PLEKHA8: variants seen among roughly 807,000 people sequenced by gnomAD.
The protein encoded by PLEKHA8 is pleckstrin homology domain containing A8, also known as pleckstrin homology domain-containing family A member 8.
In PLEKHA8, 36 loss-of-function variants were observed where a neutral mutation model predicts 68.2. That is an observed-to-expected ratio of 0.53 (90% CI 0.40 to 0.70). The LOEUF is 0.70. PLEKHA8 is among the 30% of genes least tolerant of loss of function. PLEKHA8 has a pLI of 0.00. For synonymous variants in PLEKHA8, 211 were observed against 216.1 expected (o/e 0.98, Z 0.20); for missense variants, 505 against 615.4 (o/e 0.82, Z 1.90).
intron 13 of PLEKHA8, among the ~76,000 whole-genome samples, chr7:30,099,144 C>G (rs1366363425): frequency 6.6e-6 from 1 of 152,164 alleles, no homozygotes; most frequent in Non-Finnish European, 1.5e-5. Context: ...TATTTAATCA[C>G]ACATCCAAAC....
intron 12 of PLEKHA8, among the ~76,000 whole-genome samples, chr7:30,071,385 A>G (rs551359987): frequency 1.3e-5 from 2 of 152,250 alleles, no homozygotes; most frequent in African/African-American, 4.8e-5. Context: ...TGTCTGCCGC[A>G]CCATCTACCA....
Position 30,083,711 on chromosome 7 carries a change from G to C in PLEKHA8, c.*4924G>C. 1.0e-6 allele frequency: 1 copy of C among 985,324 alleles called. No homozygotes were observed. The allele number at this position is 985,324 out of a possible 1,614,324, so 61.0% of individuals were successfully genotyped here. A position where few individuals can be genotyped will look rare whatever the true frequency, so the allele number is the denominator to read the frequency against. On this transcript the variant is annotated 3_prime_UTR_variant, in exon 14 of 14. Transcript: ENST00000449726. Reference sequence around the variant, plus strand: ...TTTGTTTCCTGTATTAATCACTTCTGTTCCAGAGTGAACAAATGTTTTCAG... The same window carrying C: ...TTTGTTTCCTGTATTAATCACTTCTCTTCCAGAGTGAACAAATGTTTTCAG...
intron 13 of PLEKHA8, among the ~76,000 whole-genome samples, chr7:30,123,215 A>G (rs1031177341): frequency 5.9e-5 from 9 of 152,358 alleles, no homozygotes; most frequent in African/African-American, 2.2e-4. Context: ...CTAATCCAAC[A>G]TATTTATTTT....
chr7:30,074,639 C>G (rs908164681), intron 13 of PLEKHA8, among the ~76,000 whole-genome samples: 2 of 152,056 alleles, frequency 1.3e-5, no homozygotes, highest in African/African-American at 2.4e-5. Context: ...CTCTGCTGCC[C>G]ATTGTATTCA....
chr7:30,059,801 A>G (rs1793293111), intron 9 of PLEKHA8, among the ~76,000 whole-genome samples: 1 of 151,878 alleles, frequency 6.6e-6, no homozygotes, highest in Non-Finnish European at 1.5e-5. Flanking sequence ...TAAGTTTTCT[A>G]GTAGGCATAT....
At chr7:30,107,086 T>C (rs1015130277) in intron 13 of PLEKHA8, among the ~76,000 whole-genome samples, 6 of 152,198 alleles carry the variant, frequency 3.9e-5, no homozygotes, top group African/African-American at 1.4e-4. Context: ...AGAATATTTA[T>C]TGAAATTATA....
At chr7:30,096,836 A>G (rs1795640571) in intron 13 of PLEKHA8, among the ~76,000 whole-genome samples, 1 of 152,168 alleles carries the variant, frequency 6.6e-6, no homozygotes, top group Admixed American at 6.5e-5. Flanking sequence ...CTTAAGGTCA[A>G]TATTGTTATG....
chr7:30,037,369 A>G (rs1440154945), intron 1 of PLEKHA8, among the ~76,000 whole-genome samples: 9 of 152,040 alleles, frequency 5.9e-5, no homozygotes, highest in African/African-American at 1.5e-4. Context: ...GGGTCTCGCT[A>G]TGTTGCCCAA....
chr7:30,044,963 C>T, intron 1 of PLEKHA8, 122 bp from the exon 2 acceptor site: 1 of 558,110 alleles, frequency 1.8e-6, no homozygotes, highest in Admixed American at 3.0e-5. Flanking sequence ...TTAGAATATC[C>T]CTGGCAATGT....
chr7:30,041,505 G>A (rs749471690), intron 1 of PLEKHA8, among the ~76,000 whole-genome samples: 2 of 145,600 alleles, frequency 1.4e-5, no homozygotes, highest in Non-Finnish European at 3.0e-5. Flanking sequence ...CTGTAGTCTC[G>A]AACTCCTAGG....
At chr7:30,089,384 CAT>C (rs1293394420), downstream of PLEKHA8, among the ~76,000 whole-genome samples, 2 of 147,162 alleles carry the variant, frequency 1.4e-5, no homozygotes, top group South Asian at 2.1e-4. Context: ...ACAGGAGTAA[CAT>C]GTGGCCCAGA....
chr7:30,075,846 C>T (rs1279637679), intron 13 of PLEKHA8, among the ~76,000 whole-genome samples: 1 of 152,066 alleles, frequency 6.6e-6, no homozygotes, highest in Non-Finnish European at 1.5e-5. Flanking sequence ...TTTTCCTTTA[C>T]CCTGTACTTT....
intron 13 of PLEKHA8, among the ~76,000 whole-genome samples, chr7:30,128,412 GTTTA>G (rs1383425844): frequency 6.6e-6 from 1 of 152,114 alleles, no homozygotes; most frequent in East Asian, 1.9e-4. Flanking sequence ...CGGCTGTTTG[GTTTA>G]TTCTGTCTGG....
intron 12 of PLEKHA8, among the ~76,000 whole-genome samples, chr7:30,064,604 G>T (rs568850243): frequency 2.0e-5 from 3 of 152,210 alleles, no homozygotes; most frequent in South Asian, 4.2e-4. Context: ...AGCATCTATT[G>T]TTGTGATAAT....
At chr7:30,090,053 A>G (rs893072764) in intron 12 of PLEKHA8, 185 of 1,258,006 alleles carry the variant, frequency 1.5e-4, no homozygotes, top group Non-Finnish European at 1.9e-4. Context: ...GTGACCAAAA[A>G]TAAAAAGGAA....
chr7:30,078,335 A>G (rs532439890), intron 13 of PLEKHA8, among the ~76,000 whole-genome samples: 8 of 152,286 alleles, frequency 5.3e-5, no homozygotes, highest in African/African-American at 1.9e-4. Context: ...GCATTCCCTG[A>G]TGTGATAGCA....
chr7:30,090,189 C>G, exon 13 of PLEKHA8: 1 of 1,549,244 alleles, frequency 6.5e-7, no homozygotes, highest in Non-Finnish European at 8.7e-7. Context: ...CAAAACATAC[C>G]CTGATGAAGA....
At chr7:30,127,029 C>T (rs1796783693) in intron 13 of PLEKHA8, among the ~76,000 whole-genome samples, 1 of 152,192 alleles carries the variant, frequency 6.6e-6, no homozygotes, top group African/African-American at 2.4e-5. Context: ...CTTACTGAGT[C>T]TCTTTGCTTT....
At chr7:30,129,189 A>G in intron 13 of PLEKHA8, 1 of 1,600,212 alleles carries the variant, frequency 6.2e-7, no homozygotes, top group Non-Finnish European at 8.6e-7. Flanking sequence ...TGTAACAGGA[A>G]GTTGCTGGTT....
Sources: gnomAD v4.1 joint callset for allele counts (sites outside exome capture counted in the v4.1 genomes callset) on GRCh38, gnomAD v4.1.1 for gene constraint, MANE v1.5 for transcripts, NCBI Gene and HGNC (gene_info 2026-07-23, HGNC 2026-07-21) for gene names.